GUCY1A2: variants seen among roughly 807,000 people sequenced by gnomAD.
The protein encoded by GUCY1A2 is guanylate cyclase soluble subunit alpha-2.
A neutral mutation model predicts 63.5 loss-of-function variants in GUCY1A2; 27 were observed. The ratio of observed to expected loss-of-function variants is 0.43; its 90% confidence interval spans 0.31 to 0.59. GUCY1A2 has a LOEUF of 0.59. GUCY1A2 is among the 20% of genes least tolerant of loss of function. GUCY1A2 has a pLI of 0.11. For synonymous variants in GUCY1A2, 364 were observed against 343.5 expected, an observed-to-expected ratio of 1.06 and a Z score of -0.66; for missense variants, 768 against 913.3, an observed-to-expected ratio of 0.84 and a Z score of 2.05.
At chr11:106,918,528 C>T (rs952658438) in intron 4 of GUCY1A2, among the ~76,000 whole-genome samples, 3 of 145,588 alleles carry the variant, frequency 2.1e-5, no homozygotes, top group African/African-American at 7.3e-5. Flanking sequence ...TAAACACACA[C>T]AAATTCTCTC....
intron 4 of GUCY1A2, among the ~76,000 whole-genome samples, chr11:106,927,063 A>T (rs1384678400): frequency 6.6e-6 from 1 of 151,750 alleles, no homozygotes; most frequent in Non-Finnish European, 1.5e-5. Flanking sequence ...AATCTTTGAA[A>T]TACATAATCC....
chr11:106,698,949 CTCTT>C (rs896069898), intron 7 of GUCY1A2, among the ~76,000 whole-genome samples: 6 of 152,236 alleles, frequency 3.9e-5, no homozygotes, highest in Non-Finnish European at 5.9e-5. Flanking sequence ...TTAAAAAAAA[CTCTT>C]TCCAGAAACA....
intron 4 of GUCY1A2, among the ~76,000 whole-genome samples, chr11:106,893,346 C>A (rs1859999775): frequency 6.6e-6 from 1 of 151,384 alleles, no homozygotes; most frequent in Non-Finnish European, 1.5e-5. Context: ...TCAAAATGTA[C>A]AAAATTTCAT....
At chr11:106,747,241 G>A (rs1863805786) in intron 6 of GUCY1A2, among the ~76,000 whole-genome samples, 1 of 152,178 alleles carries the variant, frequency 6.6e-6, no homozygotes, top group African/African-American at 2.4e-5. Context: ...GCCCGCCTCG[G>A]CCTGCCAAAG....
At chr11:106,886,071 T>G (rs538601360) in intron 4 of GUCY1A2, among the ~76,000 whole-genome samples, 7 of 152,302 alleles carry the variant, frequency 4.6e-5, no homozygotes, top group Admixed American at 4.6e-4. Flanking sequence ...CTGTATTCCT[T>G]CTTCCCCTTC....
At chr11:106,689,507 A>G (rs968566960) in intron 7 of GUCY1A2, among the ~76,000 whole-genome samples, 4 of 152,198 alleles carry the variant, frequency 2.6e-5, no homozygotes, top group African/African-American at 9.6e-5. Flanking sequence ...TATAAGAAAC[A>G]TAAATTTACA....
At chr11:106,976,378 A>G (rs1254828436) in intron 3 of GUCY1A2, among the ~76,000 whole-genome samples, 3 of 152,220 alleles carry the variant, frequency 2.0e-5, no homozygotes, top group Non-Finnish European at 4.4e-5. Context: ...TAAGCTGACC[A>G]ATTCTTTCAT....
At chr11:106,867,030 C>T (rs1251851471) in intron 4 of GUCY1A2, among the ~76,000 whole-genome samples, 1 of 151,966 alleles carries the variant, frequency 6.6e-6, no homozygotes, top group African/African-American at 2.4e-5. Context: ...ACTATCTATG[C>T]ATTTCAACAA....
intron 5 of GUCY1A2, among the ~76,000 whole-genome samples, chr11:106,805,993 C>A (rs1333093746): frequency 4.6e-5 from 7 of 152,044 alleles, no homozygotes; most frequent in Admixed American, 2.0e-4. Flanking sequence ...GTACATAATG[C>A]CACATGTTAT....
chr11:106,831,449 C>T (rs1379077812), intron 4 of GUCY1A2, among the ~76,000 whole-genome samples: 2 of 152,042 alleles, frequency 1.3e-5, no homozygotes, highest in Admixed American at 1.3e-4. Flanking sequence ...TTCAAAGGCC[C>T]AGAAGGAAAA....
chr11:106,831,829 C>G (rs1046280373), intron 4 of GUCY1A2, among the ~76,000 whole-genome samples: 1 of 152,142 alleles, frequency 6.6e-6, no homozygotes, highest in African/African-American at 2.4e-5. Flanking sequence ...CAATACTTAC[C>G]TTGACTAATA....
chr11:106,814,905 A>G (rs989103634), intron 4 of GUCY1A2, among the ~76,000 whole-genome samples: 12 of 152,226 alleles, frequency 7.9e-5, no homozygotes, highest in Admixed American at 3.9e-4. Flanking sequence ...AAGAATCATA[A>G]TAAGAACCAA....
intron 4 of GUCY1A2, among the ~76,000 whole-genome samples, chr11:106,811,538 TA>T (rs1436780091): frequency 2.0e-5 from 3 of 152,132 alleles, no homozygotes; most frequent in Non-Finnish European, 4.4e-5. Flanking sequence ...TCTTTATAGC[TA>T]AATAGTTAAG....
At chr11:106,709,301 T>G (rs1862990852) in intron 6 of GUCY1A2, among the ~76,000 whole-genome samples, 2 of 96,272 alleles carry the variant, frequency 2.1e-5, no homozygotes, top group South Asian at 5.7e-4. Flanking sequence ...ATTTATATTT[T>G]TATATTTATA....
intron 5 of GUCY1A2, among the ~76,000 whole-genome samples, chr11:106,806,660 A>G (rs1858691173): frequency 6.6e-6 from 1 of 152,202 alleles, no homozygotes; most frequent in African/African-American, 2.4e-5. Context: ...TCTAATTACA[A>G]GAGAAACAAA....
At chr11:106,759,562 T>C (rs1438782236) in intron 6 of GUCY1A2, among the ~76,000 whole-genome samples, 1 of 152,244 alleles carries the variant, frequency 6.6e-6, no homozygotes, top group Non-Finnish European at 1.5e-5. Context: ...ATATAATTAG[T>C]CAAATTGAAA....
chr11:106,789,352 C>A (rs1228813889), intron 5 of GUCY1A2, among the ~76,000 whole-genome samples: 1 of 152,136 alleles, frequency 6.6e-6, no homozygotes, highest in Non-Finnish European at 1.5e-5. Context: ...ATTTCAATTT[C>A]TTTGTTAAAT....
At chr11:106,777,826 TA>T (rs1363201771) in intron 5 of GUCY1A2, among the ~76,000 whole-genome samples, 3 of 151,974 alleles carry the variant, frequency 2.0e-5, no homozygotes, top group Non-Finnish European at 4.4e-5. Context: ...ACCTAAAGTA[TA>T]ATTTTTAAAA....
In GUCY1A2 at chr11:106,685,189, T is replaced by G. The variant is rs1862502778; in HGVS notation, c.*2360A>C. 1 of 203,692 alleles carries G rather than the reference T, an allele frequency of 4.9e-6. No individual in the cohort carries two copies. Among genetic ancestry groups the G allele is most frequent in the Non-Finnish European group, 1.0e-5 (1 of 99,350 alleles). The allele number at this position is 203,692 out of a possible 1,614,324, so 12.6% of individuals were successfully genotyped here. A position where few individuals can be genotyped will look rare whatever the true frequency, so the allele number is the denominator to read the frequency against. On this transcript the variant is annotated 3_prime_UTR_variant, in exon 8 of 8. Coordinates refer to ENST00000526355, the MANE Select transcript of GUCY1A2 (RefSeq NM_000855.3). ...TGATAAATAAGAAATCTCTGGCACG[T>G]TCTTCATCGTGACATTTATGGCAAT...
Sources: allele counts gnomAD v4.1 joint callset (sites outside exome capture counted in the v4.1 genomes callset), GRCh38; gene constraint gnomAD v4.1.1; transcripts MANE v1.5; gene names NCBI Gene and HGNC (gene_info 2026-07-23, HGNC 2026-07-21).